The following PDE4B variants were observed in gnomAD, a reference collection of about 807,000 sequenced individuals.
PDE4B encodes 3',5'-cyclic-AMP phosphodiesterase 4B.
In PDE4B, 20 loss-of-function variants were observed where a neutral mutation model predicts 82.2. The observed-to-expected ratio is 0.24, with a 90% CI of 0.17 to 0.35. The LOEUF (loss-of-function observed/expected upper bound fraction) is 0.35, where lower values mean the gene tolerates loss of function less well. Among genes scored for constraint, PDE4B ranks in the 10% least tolerant of loss-of-function variants. The pLI is 1.00. For synonymous variants in PDE4B, 320 were observed against 318.9 expected, an observed-to-expected ratio of 1.00 and a Z score of -0.04; for missense variants, 655 against 907.2, an observed-to-expected ratio of 0.72 and a Z score of 3.57.
intron 1 of PDE4B, among the ~76,000 whole-genome samples, chr1:65,838,211 G>C (rs1646163670): frequency 6.6e-6 from 1 of 151,960 alleles, no homozygotes; most frequent in Non-Finnish European, 1.5e-5. Flanking sequence ...CGTAAGAACG[G>C]ACATTATTTT....
chr1:66,325,792 C>A (rs1337101083), intron 7 of PDE4B, among the ~76,000 whole-genome samples: 2 of 152,140 alleles, frequency 1.3e-5, no homozygotes. Flanking sequence ...GACCCAGGAC[C>A]AGAGAAGTGG....
intron 1 of PDE4B, among the ~76,000 whole-genome samples, chr1:65,888,744 A>C (rs1213242545): frequency 2.0e-5 from 3 of 151,956 alleles, no homozygotes; most frequent in Non-Finnish European, 4.4e-5. Context: ...TTTCTTTCTC[A>C]ACTAGTTTAT....
chr1:66,214,528 A>T (rs1214067085), intron 3 of PDE4B, among the ~76,000 whole-genome samples: 1 of 152,164 alleles, frequency 6.6e-6, no homozygotes, highest in Non-Finnish European at 1.5e-5. Context: ...TTATATTTTA[A>T]TATCTCAGAA....
chr1:66,252,474 A>G (rs1159258656), intron 4 of PDE4B, among the ~76,000 whole-genome samples: 2 of 152,232 alleles, frequency 1.3e-5, no homozygotes, highest in African/African-American at 2.4e-5. Flanking sequence ...AAATGTGCTC[A>G]GAACACTTAC....
chr1:66,039,199 A>G (rs1654228693), intron 3 of PDE4B, among the ~76,000 whole-genome samples: 1 of 152,078 alleles, frequency 6.6e-6, no homozygotes, highest in Admixed American at 6.6e-5. Context: ...ACAATTAGAT[A>G]TTGTTATTGA....
chr1:66,280,023 C>T (rs747169555), intron 7 of PDE4B, among the ~76,000 whole-genome samples: 1 of 152,130 alleles, frequency 6.6e-6, no homozygotes, highest in Non-Finnish European at 1.5e-5. Context: ...TATCAAGGAC[C>T]CATCAACCAA....
At chr1:65,930,832 G>T (rs1188284467) in intron 3 of PDE4B, among the ~76,000 whole-genome samples, 1 of 152,218 alleles carries the variant, frequency 6.6e-6, no homozygotes, top group Non-Finnish European at 1.5e-5. Flanking sequence ...ATGCTGGAAT[G>T]AATTAAGACT....
At chr1:66,240,913 C>T (rs980881494) in intron 3 of PDE4B, among the ~76,000 whole-genome samples, 1 of 152,196 alleles carries the variant, frequency 6.6e-6, no homozygotes, top group African/African-American at 2.4e-5. Context: ...TGTTTCATTT[C>T]AGTTAGTTCC....
intron 3 of PDE4B, among the ~76,000 whole-genome samples, chr1:66,161,383 TACTC>T (rs1646610353): frequency 6.6e-6 from 1 of 152,188 alleles, no homozygotes; most frequent in South Asian, 2.1e-4. Flanking sequence ...CAGCTTTTGA[TACTC>T]ACTCAGTCTG....
intron 8 of PDE4B, among the ~76,000 whole-genome samples, chr1:66,341,353 AT>A (rs1261063858): frequency 3.3e-5 from 5 of 152,244 alleles, no homozygotes; most frequent in African/African-American, 1.2e-4. Context: ...TGAGAAAGAC[AT>A]GGGACATTCT....
chr1:66,266,539 T>C (rs927485595), intron 7 of PDE4B: 5 of 368,108 alleles, frequency 1.4e-5, no homozygotes, highest in South Asian at 8.5e-5. Flanking sequence ...CTACATCCTT[T>C]CCAGGTGTGA....
At chr1:66,265,677 A>G (rs1245715943) in intron 6 of PDE4B, among the ~76,000 whole-genome samples, 2 of 135,304 alleles carry the variant, frequency 1.5e-5, no homozygotes, top group Admixed American at 1.4e-4. Flanking sequence ...GCCCAAAGGA[A>G]TTGAGATTCA....
chr1:65,949,433 C>T (rs1024333180), intron 3 of PDE4B, among the ~76,000 whole-genome samples: 2 of 152,090 alleles, frequency 1.3e-5, no homozygotes, highest in African/African-American at 4.8e-5. Flanking sequence ...CAGCTGATTA[C>T]AGCAATCACT....
chr1:66,342,871 C>T (rs952563043), intron 8 of PDE4B, among the ~76,000 whole-genome samples: 2 of 152,168 alleles, frequency 1.3e-5, no homozygotes, highest in African/African-American at 2.4e-5. Context: ...CGGAGAAACC[C>T]TGTCTCTACT....
chr1:66,092,967 C>G (rs566095899), intron 3 of PDE4B, among the ~76,000 whole-genome samples: 5 of 151,976 alleles, frequency 3.3e-5, no homozygotes, highest in African/African-American at 1.2e-4. Flanking sequence ...AGAAAAAGTT[C>G]GGAAATGTGG....
In PDE4B at chr1:65,983,249, A is replaced by G. The variant is rs114067888; in HGVS notation, c.281+64414A>G. On this transcript the variant is annotated intron_variant, in intron 3 of 16. Coordinates refer to ENST00000341517, the MANE Select transcript of PDE4B (RefSeq NM_002600.4). The stretch of plus-strand genomic sequence containing the variant: ...TTTGCCGCAGGATGAATCATACTTC[A>G]AGTTTCACCCATAATCGATTTGGAT... Among the ~76,000 whole-genome samples the G allele has an allele frequency of 5.3e-3, 803 of 152,272 alleles. 2 individuals carry two copies. The highest frequency in any genetic ancestry group is 9.8e-3 in the Non-Finnish European group (667 of 68,012).
At chr1:66,060,560 A>G (rs574996585) in intron 3 of PDE4B, among the ~76,000 whole-genome samples, 3 of 152,330 alleles carry the variant, frequency 2.0e-5, no homozygotes, top group East Asian at 3.9e-4. Flanking sequence ...TTTAAAATAT[A>G]TCATAACACA....
At chr1:65,827,812 G>A (rs1163178306) in intron 1 of PDE4B, among the ~76,000 whole-genome samples, 2 of 152,110 alleles carry the variant, frequency 1.3e-5, no homozygotes, top group African/African-American at 4.8e-5. Flanking sequence ...AGAACATCAA[G>A]CAAGATAAAT....
chr1:65,859,061 T>A (rs934443882), intron 1 of PDE4B, among the ~76,000 whole-genome samples: 18 of 152,146 alleles, frequency 1.2e-4, no homozygotes, highest in African/African-American at 4.1e-4. Context: ...TTCAGATATT[T>A]GTGTGTTGCC....
Sources: gnomAD v4.1 joint callset for allele counts (sites outside exome capture counted in the v4.1 genomes callset) on GRCh38, gnomAD v4.1.1 for gene constraint, MANE v1.5 for transcripts, NCBI Gene and HGNC (gene_info 2026-07-23, HGNC 2026-07-21) for gene names.